C12orf42: variants seen among roughly 807,000 people sequenced by gnomAD.
C12orf42 encodes the protein uncharacterized protein C12orf42.
C12orf42 carries 25 observed loss-of-function variants against 21.6 expected under a neutral mutation model. That is an observed-to-expected ratio of 1.16 (90% CI 0.84 to 1.62). The LOEUF is 1.62. C12orf42 is among the 40% of genes most tolerant of loss of function. C12orf42 has a pLI of 0.00. For missense variants in C12orf42, 483 were observed against 459.3 expected (o/e 1.05, Z -0.47); for synonymous variants, 174 against 175.0 (o/e 0.99, Z 0.05).
At chr12:103,513,749 C>T in the C12orf42 span, among the ~76,000 whole-genome samples, 1 of 151,888 alleles carries the variant, frequency 6.6e-6, no homozygotes, top group Non-Finnish European at 1.5e-5. Context: ...GTTTATTGAA[C>T]AACAAATACA....
At chr12:103,054,392 G>A in the C12orf42 span, among the ~76,000 whole-genome samples, 1 of 151,786 alleles carries the variant, frequency 6.6e-6, no homozygotes, top group Non-Finnish European at 1.5e-5. Context: ...TTCATTGCTA[G>A]CATATAGGAA....
At chr12:103,174,269 G>T in the C12orf42 span, among the ~76,000 whole-genome samples, 1 of 152,124 alleles carries the variant, frequency 6.6e-6, no homozygotes, top group Non-Finnish European at 1.5e-5. Flanking sequence ...CCCTTACTTG[G>T]ATTCAGGGTC....
At chr12:103,563,337 C>A in the C12orf42 span, among the ~76,000 whole-genome samples, 1 of 152,166 alleles carries the variant, frequency 6.6e-6, no homozygotes, top group Non-Finnish European at 1.5e-5. Flanking sequence ...GATCATTTGT[C>A]TACCCTAGAC....
chr12:103,119,967 A>G, the C12orf42 span, among the ~76,000 whole-genome samples: 1 of 152,242 alleles, frequency 6.6e-6, no homozygotes, highest in African/African-American at 2.4e-5. Flanking sequence ...GAAATCTGCC[A>G]TCTCACTGAA....
chr12:103,172,591 A>G, the C12orf42 span, among the ~76,000 whole-genome samples: 3 of 152,068 alleles, frequency 2.0e-5, no homozygotes, highest in Non-Finnish European at 4.4e-5. Context: ...CTCTCCCTAG[A>G]CAAACTCTAA....
the C12orf42 span, among the ~76,000 whole-genome samples, chr12:103,074,224 A>G: frequency 6.6e-6 from 1 of 152,212 alleles, no homozygotes; most frequent in Non-Finnish European, 1.5e-5. Context: ...TTATGTCAGG[A>G]AGAAACTTTG....
chr12:103,563,469 A>G, the C12orf42 span, among the ~76,000 whole-genome samples: 1 of 152,232 alleles, frequency 6.6e-6, no homozygotes, highest in African/African-American at 2.4e-5. Context: ...CATAACAAAT[A>G]TGTCTCCAAA....
the C12orf42 span, among the ~76,000 whole-genome samples, chr12:103,177,537 G>A: frequency 1.3e-5 from 2 of 152,106 alleles, no homozygotes; most frequent in African/African-American, 4.8e-5. Flanking sequence ...CAGAAAAGCC[G>A]TTCTATATGG....
At chr12:103,066,935 T>A in the C12orf42 span, among the ~76,000 whole-genome samples, 3 of 152,178 alleles carry the variant, frequency 2.0e-5, no homozygotes, top group Admixed American at 6.5e-5. Context: ...CATTGCCCAA[T>A]GGGCCCATGA....
intron 3 of C12orf42, among the ~76,000 whole-genome samples, chr12:103,396,931 A>G (rs988044964): frequency 1.3e-5 from 2 of 152,210 alleles, no homozygotes; most frequent in African/African-American, 2.4e-5. Flanking sequence ...GAAGAATATG[A>G]TCTGTTTATA....
chr12:103,389,454 T>A (rs1310798305), intron 3 of C12orf42, among the ~76,000 whole-genome samples: 1 of 152,192 alleles, frequency 6.6e-6, no homozygotes, highest in African/African-American at 2.4e-5. Flanking sequence ...CTTCTAGAAG[T>A]CAAATTTCAG....
At chr12:103,238,302 G>A (rs1206414698) in intron 10 of C12orf42, among the ~76,000 whole-genome samples, 1 of 151,958 alleles carries the variant, frequency 6.6e-6, no homozygotes, top group Non-Finnish European at 1.5e-5. Context: ...CAACACAGAT[G>A]ACATGGCCAG....
chr12:103,143,513 ACTC>A, the C12orf42 span, among the ~76,000 whole-genome samples: 10 of 151,802 alleles, frequency 6.6e-5, no homozygotes, highest in African/African-American at 2.4e-4. Flanking sequence ...AACCAAGAAA[ACTC>A]CTCTACTGTG....
In C12orf42 at chr12:103,251,770, A is replaced by G. The variant is rs185306791; in HGVS notation, c.*1366+11556T>C. On this transcript the variant is annotated intron_variant and NMD_transcript_variant, in intron 10 of 10. Transcript: ENST00000547347. ...TCATATATATCAATTAATCTTCACAACTGCTACAAGTGATTGTTTATTGCT... is the reference window on the plus strand; with the variant it reads ...TCATATATATCAATTAATCTTCACAGCTGCTACAAGTGATTGTTTATTGCT... Among the ~76,000 whole-genome samples, 447 of 152,264 alleles carry G rather than the reference A, an allele frequency of 2.9e-3. 2 individuals carry two copies. Among genetic ancestry groups the G allele is most frequent in the Admixed American group, 4.3e-3 (65 of 15,272 alleles).
the C12orf42 span, chr12:103,156,279 A>C: frequency 6.6e-6 from 1 of 152,100 alleles, no homozygotes; most frequent in Non-Finnish European, 1.5e-5. Flanking sequence ...GCGAAAACAG[A>C]CCAAGCTAAT....
the C12orf42 span, among the ~76,000 whole-genome samples, chr12:103,101,177 C>G: frequency 6.6e-6 from 1 of 152,196 alleles, no homozygotes; most frequent in African/African-American, 2.4e-5. Context: ...TGTTGCTGAT[C>G]TCTCTCTTTT....
intron 5 of C12orf42, among the ~76,000 whole-genome samples, chr12:103,272,032 T>A (rs577701555): frequency 6.6e-6 from 1 of 152,300 alleles, no homozygotes; most frequent in African/African-American, 2.4e-5. Flanking sequence ...TCTAGACTGC[T>A]CATTTACATG....
At chr12:103,200,492 A>G in the C12orf42 span, among the ~76,000 whole-genome samples, 1 of 152,232 alleles carries the variant, frequency 6.6e-6, no homozygotes, top group African/African-American at 2.4e-5. Flanking sequence ...TAATCACACA[A>G]AAAATAATAA....
intron 2 of C12orf42, among the ~76,000 whole-genome samples, chr12:103,413,536 T>A (rs10400542): frequency 0.18 from 26,634 of 151,872 alleles, 2,678 homozygotes; most frequent in African/African-American, 0.29. Flanking sequence ...GGTTTTATGG[T>A]TAAGTCCTTT....
Sources: allele counts gnomAD v4.1 joint callset (sites outside exome capture counted in the v4.1 genomes callset), GRCh38; gene constraint gnomAD v4.1.1; transcripts MANE v1.5; gene names NCBI Gene and HGNC (gene_info 2026-07-23, HGNC 2026-07-21).